Variants in PFKFB4 observed in about 807,000 individuals in gnomAD.
PFKFB4 encodes 6-phosphofructo-2-kinase/fructose-2,6-biphosphatase 4.
Under a neutral mutation model 62.8 loss-of-function variants are expected in PFKFB4, and 42 were observed. The ratio of observed to expected loss-of-function variants is 0.67; its 90% CI spans 0.52 to 0.86. The LOEUF is 0.86. Among genes scored for constraint, PFKFB4 ranks in the 40% least tolerant of loss-of-function variants. PFKFB4 has a pLI of 0.00. For synonymous variants in PFKFB4, 204 were observed against 240.7 expected (o/e 0.85, Z 1.41); for missense variants, 475 against 627.2 (o/e 0.76, Z 2.59).
intron 1 of PFKFB4, among the ~76,000 whole-genome samples, chr3:48,555,353 C>G (rs2043281508): frequency 6.6e-6 from 1 of 152,198 alleles, no homozygotes; most frequent in African/African-American, 2.4e-5. Context: ...TACACACACC[C>G]TTCCCCCAGG....
At chr3:48,543,735 A>G in intron 3 of PFKFB4, 89 bp from the exon 4 acceptor site, 1 of 969,796 alleles carries the variant, frequency 1.0e-6, no homozygotes, top group Non-Finnish European at 1.6e-6. Flanking sequence ...GAGACATGAC[A>G]GGAGAAGGAA....
At position 48,517,813 on chromosome 3, in the gene PFKFB4, G is replaced by A. The variant is rs114820575; in HGVS notation, c.*1934C>T. On this transcript the variant is annotated 3_prime_UTR_variant, in exon 14 of 14. Transcript: ENST00000232375. ...CATGGGCACGCCAGCCAGCATGGCC[G>A]AAATGTGGCAGCCAATCAGCTACAC... is the stretch of plus-strand genomic sequence containing the variant. The A allele has an allele frequency of 7.1e-3, 1,091 of 152,846 alleles. 7 individuals are homozygous for A. Among genetic ancestry groups the A allele is most frequent in the Middle Eastern group, 0.024 (7 of 294 alleles). The allele number at this position is 152,846 out of a possible 1,614,324, so 9.5% of individuals were successfully genotyped here.
chr3:48,552,130 T>C (rs1263129911), intron 1 of PFKFB4, among the ~76,000 whole-genome samples: 1 of 152,172 alleles, frequency 6.6e-6, no homozygotes, highest in East Asian at 1.9e-4. Context: ...CTGACACTCA[T>C]TGGGAACTCT....
At chr3:48,549,786 A>G in intron 3 of PFKFB4, 78 bp downstream of exon 3, 1 of 888,496 alleles carries the variant, frequency 1.1e-6, no homozygotes, top group East Asian at 2.4e-5. Flanking sequence ...TTCTCAGTAA[A>G]TGGTCAGTAA....
At chr3:48,538,398 G>C in intron 7 of PFKFB4, 100 bp downstream of exon 7, 1 of 1,427,376 alleles carries the variant, frequency 7.0e-7, no homozygotes, top group South Asian at 1.2e-5. Context: ...TCTGCTTTTT[G>C]GTCCTCCAGC....
chr3:48,556,493 T>C lies in PFKFB4; in HGVS notation c.97+188A>G, dbSNP rs13069446. Among the ~76,000 whole-genome samples the C allele has an allele frequency of 0.013, 2,000 of 150,796 alleles. 25 individuals carry two copies. Among genetic ancestry groups the C allele is most frequent in the Middle Eastern group, 0.035 (10 of 286 alleles). ...TCCCCGCCCCCTGCTCTGCCACACC[T>C]GTCTCTGGCCCACCACTGTCACGAC... On this transcript the variant is annotated intron_variant, in intron 1 of 13. Coordinates refer to ENST00000232375, the MANE Select transcript of PFKFB4 (RefSeq NM_004567.4). The surrounding 1 kb of genome is among the most constrained non-coding windows in gnomAD (Gnocchi z 5.7).
chr3:48,522,479 T>A (rs1384469762), intron 12 of PFKFB4, among the ~76,000 whole-genome samples: 1 of 152,218 alleles, frequency 6.6e-6, no homozygotes, highest in Non-Finnish European at 1.5e-5. Flanking sequence ...TGACATCAGC[T>A]GCCACTGGGC....
intron 9 of PFKFB4, among the ~76,000 whole-genome samples, chr3:48,527,684 CTTTTTT>C (rs1180697646): frequency 8.2e-6 from 1 of 121,220 alleles, no homozygotes; most frequent in Non-Finnish European, 1.7e-5. Flanking sequence ...CGTCCATCAT[CTTTTTT>C]TTTTTTTTTT....
chr3:48,562,996 C>T (rs1252575816), upstream of PFKFB4: 6 of 1,608,818 alleles, frequency 3.7e-6, no homozygotes, highest in East Asian at 4.5e-5. The surrounding 1 kb of genome is among the most constrained non-coding windows in gnomAD (Gnocchi z 4.3). Context: ...TCTCTGAGGC[C>T]GCAGGTCGGG....
chr3:48,547,369 G>A (rs1289501586), intron 3 of PFKFB4, among the ~76,000 whole-genome samples: 2 of 152,156 alleles, frequency 1.3e-5, no homozygotes, highest in Admixed American at 6.5e-5. Context: ...GTATGCACAT[G>A]CATGCATGTG....
At chr3:48,526,375 C>T (rs549145459) in intron 9 of PFKFB4, among the ~76,000 whole-genome samples, 1 of 151,154 alleles carries the variant, frequency 6.6e-6, no homozygotes, top group South Asian at 2.1e-4. Flanking sequence ...GAGTTCAAGG[C>T]CAGCATGGTC....
upstream of PFKFB4, among the ~76,000 whole-genome samples, chr3:48,558,129 T>A (rs2043374173): frequency 4.6e-5 from 7 of 152,214 alleles, no homozygotes; most frequent in Admixed American, 4.6e-4. Flanking sequence ...TATATTTGTA[T>A]CTCCCTCTTG....
intron 3 of PFKFB4, among the ~76,000 whole-genome samples, chr3:48,545,897 C>T (rs1022779823): frequency 1.3e-5 from 2 of 152,194 alleles, no homozygotes; most frequent in Non-Finnish European, 2.9e-5. Flanking sequence ...CTCCTTAGAG[C>T]CCCACGTTCT....
chr3:48,522,466 G>C (rs1462208807), intron 12 of PFKFB4, among the ~76,000 whole-genome samples: 1 of 152,222 alleles, frequency 6.6e-6, no homozygotes, highest in Non-Finnish European at 1.5e-5. Context: ...TCACACACTG[G>C]AGTGACATCA....
upstream of PFKFB4, among the ~76,000 whole-genome samples, chr3:48,560,350 T>A (rs961338685): frequency 1.2e-4 from 18 of 152,184 alleles, no homozygotes; most frequent in Non-Finnish European, 1.5e-4. Context: ...TTTCCAGGAA[T>A]TCCAGCTTCC....
Position 48,556,768 on chromosome 3 carries a change from G to C in PFKFB4, c.10C>G (p.Pro4Ala). The change falls in exon 1 of 14, where the codon CCA (proline) becomes GCA (alanine). Residue 4 changes from proline to alanine, a missense_variant. Physicochemically the swap from Pro to Ala is conservative, Grantham distance 27. Transcript: ENST00000232375. The surrounding 1 kb of genome is among the most constrained non-coding windows in gnomAD (Gnocchi z 5.7). MASPRELTQNPLKK... is the reference protein window; with the variant it reads MASARELTQNPLKK... ...AGGGGGTTCTGTGTCAATTCCCGTGGGGACGCCATCCCGGGGCCGGGATGA... is the reference window on the plus strand; with the variant it reads ...AGGGGGTTCTGTGTCAATTCCCGTGCGGACGCCATCCCGGGGCCGGGATGA... The C allele has an allele frequency of 6.2e-7, 1 of 1,600,604 alleles. No individual in the cohort carries two copies.
At position 48,521,221 on chromosome 3, in the gene PFKFB4, G is replaced by A. The variant is rs2042085884; in HGVS notation, c.1350+765C>T. Among the ~76,000 whole-genome samples, 1 of 152,330 alleles carries A rather than the reference G, an allele frequency of 6.6e-6. No individual in the cohort carries two copies. The highest frequency in any genetic ancestry group is 1.9e-4 in the East Asian group (1 of 5,184). ...CCCCATCATGGATGGCAAGAGGCATGACTGAGGCCCAAGAGCCTTCTCCGT... is the reference window on the plus strand; with the variant it reads ...CCCCATCATGGATGGCAAGAGGCATAACTGAGGCCCAAGAGCCTTCTCCGT... On this transcript the variant is annotated intron_variant, in intron 13 of 13. Transcript: ENST00000232375. This position sits in a 1 kb window ranked among gnomAD's most constrained non-coding sequence, Gnocchi z 5.3.
chr3:48,524,696 G>C (rs2042202329), intron 10 of PFKFB4, among the ~76,000 whole-genome samples: 1 of 152,190 alleles, frequency 6.6e-6, no homozygotes, highest in East Asian at 1.9e-4. Context: ...ATACTATCCT[G>C]AGGATGGTAC....
intron 1 of PFKFB4, among the ~76,000 whole-genome samples, chr3:48,552,413 G>A (rs1475461187): frequency 1.3e-5 from 2 of 152,244 alleles, no homozygotes; most frequent in East Asian, 1.9e-4. Flanking sequence ...TTGTTTAAAG[G>A]TGACCCAAAT....
Sources: gnomAD v4.1 joint callset for allele counts (sites outside exome capture counted in the v4.1 genomes callset) on GRCh38, gnomAD v4.1.1 for gene constraint, Gnocchi (gnomAD v3.1) non-coding constraint, MANE v1.5 for transcripts, NCBI Gene and HGNC (gene_info 2026-07-23, HGNC 2026-07-21) for gene names.